INIP: variants seen among roughly 807,000 people sequenced by gnomAD.
INIP encodes INTS3 and NABP interacting protein, also known as SOSS complex subunit C.
INIP carries 9 observed loss-of-function variants against 14.0 expected under a neutral mutation model. The observed-to-expected ratio is 0.64, with a 90% CI of 0.39 to 1.12. The LOEUF (loss-of-function observed/expected upper bound fraction) is 1.12. Ranked by LOEUF, INIP falls within the 50% of genes most tolerant of loss-of-function variation. INIP has a pLI of 0.01. For synonymous variants in INIP, 37 were observed against 41.5 expected, an observed-to-expected ratio of 0.89 and a Z score of 0.41; for missense variants, 78 against 122.7, an observed-to-expected ratio of 0.64 and a Z score of 1.72.
rs775311670 is a variant in INIP, at chr9:112,694,141, G to A, written c.118C>T (p.Pro40Ser). Residue 40 changes from proline (P) to serine (S), a missense_variant, in exon 3 of 5, where the codon CCT (proline) becomes TCT (serine). Coordinates refer to ENST00000374242, the MANE Select transcript of INIP (RefSeq NM_021218.3). ...LMQNQSSTNH[P>S]GASIALSRPS... is the part of the protein sequence containing the mutation. Reference sequence around the variant, plus strand: ...TTATAGTGTCAATACCTAGCTCCAGGATGATTTGTTGAAGACTGGTTCTGC... The same window carrying A: ...TTATAGTGTCAATACCTAGCTCCAGAATGATTTGTTGAAGACTGGTTCTGC... 6 of 1,592,820 alleles carry A rather than the reference G, an allele frequency of 3.8e-6. No homozygotes were observed. The African/African-American group carries it at 8.1e-5, about 22-fold the overall frequency.
At chr9:112,707,923 T>A (rs1466074644) in intron 2 of INIP, among the ~76,000 whole-genome samples, 1 of 152,192 alleles carries the variant, frequency 6.6e-6, no homozygotes, top group Non-Finnish European at 1.5e-5. Context: ...CAACAAATAT[T>A]TATTGTGTTG....
At chr9:112,702,500 G>GGTGGGA (rs1336346909) in intron 2 of INIP, among the ~76,000 whole-genome samples, 1 of 152,120 alleles carries the variant, frequency 6.6e-6, no homozygotes, top group Non-Finnish European at 1.5e-5. Context: ...TGAGAGTGAG[G>GGTGGGA]GTGGCATGGG....
intron 2 of INIP, among the ~76,000 whole-genome samples, chr9:112,707,240 CTTTT>C (rs745697280): frequency 3.2e-5 from 4 of 124,286 alleles, no homozygotes; most frequent in Admixed American, 1.7e-4. Flanking sequence ...TGCCCGGCCT[CTTTT>C]TTTTTTTTTT....
chr9:112,708,460 G>A (rs1318800455), intron 2 of INIP, among the ~76,000 whole-genome samples: 3 of 152,168 alleles, frequency 2.0e-5, no homozygotes, highest in South Asian at 4.1e-4. Flanking sequence ...TAGCTATTTA[G>A]GAAGTTAAAT....
At chr9:112,716,942 G>GA (rs1294296710) in intron 1 of INIP, among the ~76,000 whole-genome samples, 1 of 147,778 alleles carries the variant, frequency 6.8e-6, no homozygotes, top group Non-Finnish European at 1.5e-5. Context: ...GCCACAGAGC[G>GA]AGACAGCGAG....
At chr9:112,713,828 A>C (rs1838720789) in intron 2 of INIP, among the ~76,000 whole-genome samples, 1 of 152,074 alleles carries the variant, frequency 6.6e-6, no homozygotes, top group Non-Finnish European at 1.5e-5. Context: ...CCGTTTCTAC[A>C]AAAAAATTAG....
chr9:112,696,430 C>G, intron 2 of INIP, among the ~76,000 whole-genome samples: 1 of 152,274 alleles, frequency 6.6e-6, no homozygotes, highest in East Asian at 1.9e-4. Flanking sequence ...CTTTGAGAGA[C>G]AGAGGAAAAA....
Position 112,700,554 on chromosome 9 carries a change from A to C in INIP, c.26-6321T>G, listed in dbSNP as rs960530769. 1.8e-4 allele frequency among the ~76,000 whole-genome samples: 27 copies of C among 146,544 alleles called. 1 individual carries two copies. In the East Asian group the frequency reaches 3.5e-3, roughly 19 times the overall value. ...ATATATATATTATATATACCTAATT[A>C]TATTATATAATATATAATATAAAGA... On this transcript the variant is annotated intron_variant, in intron 2 of 4. Coordinates refer to ENST00000374242, the MANE Select transcript of INIP (RefSeq NM_021218.3).
intron 2 of INIP, among the ~76,000 whole-genome samples, chr9:112,710,007 T>A (rs1838596659): frequency 6.6e-6 from 1 of 152,214 alleles, no homozygotes; most frequent in African/African-American, 2.4e-5. Flanking sequence ...CTCTCATCTT[T>A]AAAAAGGTAC....
intron 2 of INIP, among the ~76,000 whole-genome samples, chr9:112,707,300 T>G (rs909506468): frequency 6.6e-6 from 1 of 151,612 alleles, no homozygotes; most frequent in Non-Finnish European, 1.5e-5. Context: ...ACTAACCTTT[T>G]TAAAAAACAA....
At chr9:112,713,984 C>CAAAAAA (rs376955548) in intron 2 of INIP, among the ~76,000 whole-genome samples, 1 of 78,798 alleles carries the variant, frequency 1.3e-5, no homozygotes, top group Admixed American at 1.3e-4. Context: ...AACTCCATCT[C>CAAAAAA]AAAAAAAAAA....
rs1837701205 is a variant in INIP at position 112,687,131 on chromosome 9, T to C, written c.*407A>G. The C allele has an allele frequency of 1.3e-5, 2 of 155,936 alleles. No homozygotes were observed. The highest frequency in any genetic ancestry group is 4.8e-5 in the African/African-American group (2 of 41,594). 9.7% of individuals were successfully genotyped at this position (155,936 alleles called of 1,614,324 possible). A position where few individuals can be genotyped will look rare whatever the true frequency, so the allele number is the denominator to read the frequency against. On this transcript the variant is annotated 3_prime_UTR_variant, in exon 5 of 5. Coordinates refer to ENST00000374242, the MANE Select transcript of INIP (RefSeq NM_021218.3). ...ACAGCAAATATGGATGCAATTGATT[T>C]AAGCCTATTAGTTCATTTTTTAAAA...
Position 112,686,524 on chromosome 9 carries a change from A to C in INIP, c.*1014T>G, listed in dbSNP as rs961131068. ...CTTTTTCTTTTTTTCTTTGAGACAA[A>C]GACTCACTGTCACCCAGGCTGGAGT... On this transcript the variant is annotated 3_prime_UTR_variant, in exon 5 of 5. Transcript: ENST00000374242. 4 of 152,128 alleles carry C rather than the reference A, an allele frequency of 2.6e-5. No individual in the cohort carries two copies. Among genetic ancestry groups the C allele is most frequent in the African/African-American group, 7.2e-5 (3 of 41,436 alleles). The allele number at this position is 152,128 out of a possible 1,614,324, so 9.4% of individuals were successfully genotyped here.
chr9:112,709,381 G>A (rs1838578964), intron 2 of INIP, among the ~76,000 whole-genome samples: 1 of 152,048 alleles, frequency 6.6e-6, no homozygotes, highest in Non-Finnish European at 1.5e-5. Flanking sequence ...GGCGGTATGG[G>A]AAAACAGAAT....
rs1396162285 is a variant in INIP at position 112,689,647 on chromosome 9, C to T, written c.129-30G>A. 9 of 1,550,460 alleles carry T rather than the reference C, an allele frequency of 5.8e-6. No individual in the cohort carries two copies. The Admixed American group carries it at 1.5e-4, about 26-fold the overall frequency. ...AATGGGAATCTTGGTTACTCAGCTG[C>T]TTAAGGCAGAAACATCCTTACTTTT... On this transcript the variant is annotated intron_variant, in intron 3 of 4. Coordinates refer to ENST00000374242, the MANE Select transcript of INIP (RefSeq NM_021218.3).
chr9:112,692,342 A>C (rs1396934554), intron 3 of INIP, among the ~76,000 whole-genome samples: 1 of 152,182 alleles, frequency 6.6e-6, no homozygotes. Context: ...GCTGGATTGC[A>C]GTGGTGCAAT....
chr9:112,685,388 T>C lies in INIP; in HGVS notation c.*2150A>G, dbSNP rs1236636235. On this transcript the variant is annotated 3_prime_UTR_variant, in exon 5 of 5. Coordinates refer to ENST00000374242, the MANE Select transcript of INIP (RefSeq NM_021218.3). ...CTAAAAGAGCAGGTACCAGTCACCT[T>C]TGTGTCCCCCAAAGCACAGTACTTT... is the stretch of plus-strand genomic sequence containing the variant. The C allele has an allele frequency of 4.6e-5, 7 of 152,122 alleles. No individual in the cohort carries two copies. 9.4% of individuals were successfully genotyped at this position (152,122 alleles called of 1,614,324 possible).
At chr9:112,692,362 G>T (rs1837920567) in intron 3 of INIP, among the ~76,000 whole-genome samples, 1 of 152,088 alleles carries the variant, frequency 6.6e-6, no homozygotes, top group African/African-American at 2.4e-5. Context: ...TCAGCTCATT[G>T]CAGCCCCAAC....
chr9:112,693,933 G>A (rs1011886106), intron 3 of INIP, 198 bp downstream of exon 3: 1 of 358,360 alleles, frequency 2.8e-6, no homozygotes, highest in African/African-American at 2.2e-5. Flanking sequence ...AAATTTGCTG[G>A]GTGTCGTGGC....
Sources: gnomAD v4.1 joint callset for allele counts (sites outside exome capture counted in the v4.1 genomes callset) on GRCh38, gnomAD v4.1.1 for gene constraint, MANE v1.5 for transcripts, NCBI Gene and HGNC (gene_info 2026-07-23, HGNC 2026-07-21) for gene names.